LOC728743: variants seen among roughly 807,000 people sequenced by gnomAD.
the LOC728743 span, among the ~76,000 whole-genome samples, chr7:150,407,099 C>G: frequency 6.6e-6 from 1 of 152,320 alleles, no homozygotes; most frequent in Non-Finnish European, 1.5e-5. Flanking sequence ...ACGAAGGTAA[C>G]TGAAAATCCT....
the LOC728743 span, chr7:150,408,085 C>T: frequency 2.7e-6 from 1 of 376,686 alleles, no homozygotes; most frequent in Non-Finnish European, 4.7e-6. Context: ...GCCGCCCCGG[C>T]GTCTTCGGGG....
chr7:150,403,707 G>A, the LOC728743 span, among the ~76,000 whole-genome samples: 4 of 152,162 alleles, frequency 2.6e-5, no homozygotes, highest in African/African-American at 4.8e-5. This position sits in a 1 kb window ranked among gnomAD's most constrained non-coding sequence, Gnocchi z 5.1. Context: ...CGTTGTCTCT[G>A]TTTAAAATGC....
At chr7:150,406,430 G>A in the LOC728743 span, among the ~76,000 whole-genome samples, 17 of 152,136 alleles carry the variant, frequency 1.1e-4, no homozygotes, top group Non-Finnish European at 2.4e-4. Context: ...CGGCTGGGAT[G>A]GTGGCAGTGG....
At chr7:150,405,757 G>C in the LOC728743 span, 1 of 152,320 alleles carries the variant, frequency 6.6e-6, no homozygotes, top group East Asian at 1.9e-4. Context: ...TAAGAGCAAC[G>C]TCGCGGGACG....
At chr7:150,403,601 GGTTGGTCATCA>G in the LOC728743 span, among the ~76,000 whole-genome samples, 1 of 152,202 alleles carries the variant, frequency 6.6e-6, no homozygotes, top group Non-Finnish European at 1.5e-5. This position sits in a 1 kb window ranked among gnomAD's most constrained non-coding sequence, Gnocchi z 5.1. Flanking sequence ...GCACGGGTGG[GGTTGGTCATCA>G]GCACCTGGGG....
chr7:150,403,013 G>T, the LOC728743 span, among the ~76,000 whole-genome samples: 6 of 152,166 alleles, frequency 3.9e-5, no homozygotes, highest in Admixed American at 6.5e-5. The surrounding 1 kb of genome is among the most constrained non-coding windows in gnomAD (Gnocchi z 5.1). Flanking sequence ...CTTTGTTAGG[G>T]TCCAGAGTCC....
At chr7:150,404,790 C>A in the LOC728743 span, 1 of 152,350 alleles carries the variant, frequency 6.6e-6, no homozygotes, top group Non-Finnish European at 1.5e-5. Context: ...AGTGATATAA[C>A]CCAGGCCATA....
the LOC728743 span, chr7:150,407,959 C>A: frequency 2.5e-6 from 1 of 406,662 alleles, no homozygotes; most frequent in Non-Finnish European, 4.4e-6. Flanking sequence ...CGCACCAGCG[C>A]ATCCACAGCG....
chr7:150,404,968 T>C, the LOC728743 span: 3 of 152,330 alleles, frequency 2.0e-5, no homozygotes, highest in African/African-American at 7.2e-5. Context: ...TCCGACCCTC[T>C]TTCCTGTCGC....
chr7:150,407,275 G>A, the LOC728743 span, among the ~76,000 whole-genome samples: 1 of 152,180 alleles, frequency 6.6e-6, no homozygotes, highest in Non-Finnish European at 1.5e-5. Flanking sequence ...CCCTCGTGCA[G>A]TATGATCAGT....
chr7:150,410,123 C>G, the LOC728743 span: 1 of 398,762 alleles, frequency 2.5e-6, no homozygotes, highest in Non-Finnish European at 4.4e-6. Flanking sequence ...TGTCACGGCT[C>G]CACACCTGAT....
At chr7:150,401,081 C>T in the LOC728743 span, 2 of 152,246 alleles carry the variant, frequency 1.3e-5, no homozygotes, top group Non-Finnish European at 2.9e-5. Flanking sequence ...AATGCAGCCA[C>T]GCTGCTTCGT....
the LOC728743 span, chr7:150,404,517 G>A: frequency 6.6e-6 from 1 of 152,242 alleles, no homozygotes; most frequent in East Asian, 1.9e-4. Flanking sequence ...AAGGTAGGGT[G>A]CACATGGTTA....
At chr7:150,409,627 G>A in the LOC728743 span, among the ~76,000 whole-genome samples, 5 of 152,222 alleles carry the variant, frequency 3.3e-5, no homozygotes, top group South Asian at 4.1e-4. Context: ...AAAAGTGGAC[G>A]ATGGAGCAGG....
chr7:150,404,673 G>GT, the LOC728743 span: 4 of 152,272 alleles, frequency 2.6e-5, no homozygotes, highest in Non-Finnish European at 5.9e-5. Flanking sequence ...TCCAGACGTC[G>GT]TAAGTTGCTC....
the LOC728743 span, chr7:150,408,237 T>TGCTGCCGACG: frequency 2.6e-6 from 1 of 388,842 alleles, no homozygotes; most frequent in East Asian, 3.7e-5. Context: ...GCCCGGGGCC[T>TGCTGCCGACG]GCTGCCGACG....
the LOC728743 span, chr7:150,405,324 G>C: frequency 6.6e-6 from 1 of 152,278 alleles, no homozygotes. Context: ...CCATGTGAGT[G>C]CGCGCGGGGC....
chr7:150,403,947 G>A, the LOC728743 span, among the ~76,000 whole-genome samples: 5,781 of 152,280 alleles, frequency 0.038, 360 homozygotes, highest in African/African-American at 0.13. This position sits in a 1 kb window ranked among gnomAD's most constrained non-coding sequence, Gnocchi z 5.1. Flanking sequence ...TTTACAGCCT[G>A]GGGTCTCCCA....
the LOC728743 span, chr7:150,408,119 C>A: frequency 1.1e-4 from 42 of 383,844 alleles, no homozygotes; most frequent in African/African-American, 8.3e-4. Context: ...CTTCTGCCCC[C>A]GCTGCGGCAA....
Sources: allele counts gnomAD v4.1 joint callset (sites outside exome capture counted in the v4.1 genomes callset), GRCh38; gene constraint gnomAD v4.1.1; non-coding constraint Gnocchi (gnomAD v3.1); transcripts MANE v1.5.